The following RNF182 variants were observed in gnomAD, a reference collection of about 807,000 sequenced individuals.
The protein encoded by RNF182 is E3 ubiquitin-protein ligase RNF182.
A neutral mutation model predicts 14.4 loss-of-function variants in RNF182; 15 were observed. The ratio of observed to expected loss-of-function variants is 1.04; its 90% CI spans 0.70 to 1.60. The LOEUF (loss-of-function observed/expected upper bound fraction) is 1.60. RNF182 is among the 40% of genes most tolerant of loss of function. RNF182 has a pLI of 0.00. For synonymous variants in RNF182, 128 were observed against 122.9 expected (o/e 1.04, Z -0.27); for missense variants, 268 against 294.8 (o/e 0.91, Z 0.67).
At chr6:13,952,613 G>T (rs1336013025) in intron 1 of RNF182, among the ~76,000 whole-genome samples, 1 of 152,038 alleles carries the variant, frequency 6.6e-6, no homozygotes, top group Non-Finnish European at 1.5e-5. Context: ...GTTAAGTGGG[G>T]GTCTCTCCGG....
chr6:13,949,172 A>G (rs1032973933), intron 1 of RNF182: 12 of 798,912 alleles, frequency 1.5e-5, no homozygotes, highest in Non-Finnish European at 2.3e-5. Flanking sequence ...TGGCATCTTC[A>G]GCCTACCAAA....
At chr6:13,927,438 G>C (rs973209889) in intron 1 of RNF182, among the ~76,000 whole-genome samples, 39 of 152,242 alleles carry the variant, frequency 2.6e-4, no homozygotes, top group African/African-American at 9.4e-4. Flanking sequence ...GTCTTTTCCT[G>C]CATTTTAGCT....
chr6:13,977,494 C>G lies in RNF182; in HGVS notation c.375C>G (p.Ser125=). ...CTCTGGTCAGTCCTTCTCACACGTC[C>G]TCCAACTGCCTGGTCATAACCATCA... ...LASLVSPSHT[S]SNCLVITIME... Residue 125 remains serine (S), a synonymous_variant, in exon 3 of 3, where the codon TCC becomes TCG. Transcript: ENST00000488300. 1 of 1,614,206 alleles carries G rather than the reference C, an allele frequency of 6.2e-7. No individual in the cohort carries two copies. The highest frequency in any genetic ancestry group is 8.5e-7 in the Non-Finnish European group (1 of 1,180,036).
chr6:13,976,407 C>T (rs1760325339), intron 2 of RNF182, among the ~76,000 whole-genome samples: 1 of 152,166 alleles, frequency 6.6e-6, no homozygotes, highest in Non-Finnish European at 1.5e-5. Flanking sequence ...TAAATATGCT[C>T]TTATCTCTAT....
chr6:13,937,150 T>C (rs961374648), intron 1 of RNF182, among the ~76,000 whole-genome samples: 15 of 152,382 alleles, frequency 9.8e-5, no homozygotes, highest in East Asian at 3.9e-4. Flanking sequence ...AGCATTACTT[T>C]TATTTTTAAA....
chr6:13,946,643 T>TC (rs1156402998), intron 1 of RNF182, among the ~76,000 whole-genome samples: 1 of 152,160 alleles, frequency 6.6e-6, no homozygotes, highest in East Asian at 1.9e-4. Context: ...CTCCTGGGAA[T>TC]CCAGCACAGT....
intron 1 of RNF182, among the ~76,000 whole-genome samples, chr6:13,938,578 C>G (rs909196847): frequency 3.0e-4 from 46 of 152,212 alleles, no homozygotes; most frequent in African/African-American, 1.1e-3. Context: ...TATTGTTTTA[C>G]TTTTCACATT....
rs1439174856 is a variant in RNF182, at chr6:13,959,037, T to G, written c.-366-15173T>G. On this transcript the variant is annotated intron_variant, in intron 1 of 2. Transcript: ENST00000488300. ...CTGCAGATATCGGCTCCCTTTCATT[T>G]CTTCCCATGGATAGAAGCAGCCTGA... 2.0e-5 allele frequency among the ~76,000 whole-genome samples: 3 copies of G among 152,244 alleles called. No homozygotes were observed. The East Asian group carries it at 5.8e-4, about 29-fold the overall frequency.
chr6:13,934,300 T>C (rs939607740), intron 1 of RNF182, among the ~76,000 whole-genome samples: 3 of 152,160 alleles, frequency 2.0e-5, no homozygotes, highest in African/African-American at 7.2e-5. Context: ...GTTGTTATGA[T>C]GACTATACAG....
At chr6:13,958,140 T>A (rs1306003009) in intron 1 of RNF182, among the ~76,000 whole-genome samples, 1 of 152,084 alleles carries the variant, frequency 6.6e-6, no homozygotes, top group Non-Finnish European at 1.5e-5. Context: ...AAATTTATAA[T>A]CTGTTGGGAG....
intron 1 of RNF182, among the ~76,000 whole-genome samples, chr6:13,935,304 C>CT (rs35600837): frequency 0.32 from 48,488 of 149,980 alleles, 8,204 homozygotes; most frequent in East Asian, 0.6. Flanking sequence ...GAAACAATGT[C>CT]TTTTTTTTTT....
intron 1 of RNF182, among the ~76,000 whole-genome samples, chr6:13,960,656 A>AGAGTGTGT (rs1298804988): frequency 4.5e-5 from 6 of 133,112 alleles, no homozygotes; most frequent in Non-Finnish European, 8.2e-5. Flanking sequence ...GGAGAGAGAG[A>AGAGTGTGT]GTGTGTGTGT....
intron 1 of RNF182, among the ~76,000 whole-genome samples, chr6:13,946,140 C>CATCATTATTATTATT (rs1554125653): frequency 2.9e-5 from 4 of 137,414 alleles, no homozygotes; most frequent in Non-Finnish European, 4.6e-5. Context: ...TAAAGCAAAA[C>CATCATTATTATTATT]ATTATTATTA....
chr6:13,947,277 A>G (rs934529312), intron 1 of RNF182, among the ~76,000 whole-genome samples: 1 of 152,218 alleles, frequency 6.6e-6, no homozygotes, highest in East Asian at 1.9e-4. Context: ...AAAACAATGG[A>G]TGAGACTAGA....
At chr6:13,952,471 T>TA (rs1445501299) in intron 1 of RNF182, among the ~76,000 whole-genome samples, 1 of 152,108 alleles carries the variant, frequency 6.6e-6, no homozygotes, top group African/African-American at 2.4e-5. Flanking sequence ...TCTAACCCCT[T>TA]ACGTCTCGGG....
intron 1 of RNF182, among the ~76,000 whole-genome samples, chr6:13,966,322 G>A (rs1760027132): frequency 6.6e-6 from 1 of 152,098 alleles, no homozygotes; most frequent in Non-Finnish European, 1.5e-5. Flanking sequence ...GGAAATATTT[G>A]GAATTGAATC....
chr6:13,975,955 CTG>C (rs1760311547), intron 2 of RNF182, among the ~76,000 whole-genome samples: 1 of 152,206 alleles, frequency 6.6e-6, no homozygotes, highest in South Asian at 2.1e-4. Context: ...TGAGAACTGA[CTG>C]TGCATATGAA....
intron 1 of RNF182, among the ~76,000 whole-genome samples, chr6:13,929,172 A>T (rs1758906393): frequency 6.6e-6 from 1 of 152,194 alleles, no homozygotes; most frequent in Non-Finnish European, 1.5e-5. Context: ...AAATTTTTCC[A>T]CATGAGAAAT....
intron 1 of RNF182, among the ~76,000 whole-genome samples, chr6:13,968,337 G>A (rs889403672): frequency 3.9e-5 from 6 of 152,056 alleles, no homozygotes; most frequent in African/African-American, 1.4e-4. Flanking sequence ...TTTTTTCTTT[G>A]TCAAATATAA....
Sources: gnomAD v4.1 joint callset for allele counts (sites outside exome capture counted in the v4.1 genomes callset) on GRCh38, gnomAD v4.1.1 for gene constraint, MANE v1.5 for transcripts, NCBI Gene and HGNC (gene_info 2026-07-23, HGNC 2026-07-21) for gene names.